The following ESF1 variants were observed in gnomAD, a reference collection of about 807,000 sequenced individuals.
The protein encoded by ESF1 is ESF1 nucleolar pre-rRNA processing protein, also known as ESF1 homolog.
ESF1 carries 58 observed loss-of-function variants against 92.0 expected under a neutral mutation model. The ratio of observed to expected loss-of-function variants is 0.63; its 90% confidence interval spans 0.51 to 0.78. The LOEUF (loss-of-function observed/expected upper bound fraction) is 0.78, where lower values mean the gene tolerates loss of function less well. Among genes scored for constraint, ESF1 ranks in the 30% least tolerant of loss-of-function variants. The pLI is 0.00. For synonymous variants in ESF1, 321 were observed against 313.7 expected (o/e 1.02, Z -0.24); for missense variants, 922 against 989.1 (o/e 0.93, Z 0.91).
At chr20:13,718,312 C>G (rs1164666609) in intron 12 of ESF1, among the ~76,000 whole-genome samples, 2 of 152,162 alleles carry the variant, frequency 1.3e-5, no homozygotes, top group Non-Finnish European at 2.9e-5. Context: ...CACTTCTGGA[C>G]AGTGACATGA....
chr20:13,737,799 G>A (rs765252997), intron 9 of ESF1, among the ~76,000 whole-genome samples: 14 of 151,804 alleles, frequency 9.2e-5, no homozygotes, highest in Admixed American at 5.3e-4. Context: ...GATTACAGGC[G>A]CACGCCACCA....
chr20:13,767,580 C>A (rs1284044334), intron 7 of ESF1, among the ~76,000 whole-genome samples: 1 of 151,134 alleles, frequency 6.6e-6, no homozygotes, highest in Non-Finnish European at 1.5e-5. Flanking sequence ...CATGTTTTTT[C>A]ACCTGGAGTT....
At chr20:13,767,200 G>A (rs1382194786) in intron 7 of ESF1, among the ~76,000 whole-genome samples, 1 of 152,054 alleles carries the variant, frequency 6.6e-6, no homozygotes, top group Non-Finnish European at 1.5e-5. Context: ...TAATTACGGT[G>A]CAAAAAAACT....
chr20:13,729,649 A>T (rs947891703), intron 10 of ESF1, among the ~76,000 whole-genome samples: 1 of 148,740 alleles, frequency 6.7e-6, no homozygotes, highest in Non-Finnish European at 1.5e-5. Context: ...TTGGTTAAAG[A>T]AAAGAATTTT....
chr20:13,748,885 C>T (rs1051395997), intron 9 of ESF1, among the ~76,000 whole-genome samples: 7 of 151,864 alleles, frequency 4.6e-5, no homozygotes, highest in African/African-American at 1.2e-4. Flanking sequence ...CCATGCCCAG[C>T]CCCTCAAAGG....
intron 6 of ESF1, among the ~76,000 whole-genome samples, 164 bp from the exon 7 acceptor site, chr20:13,770,185 C>A: frequency 6.6e-6 from 1 of 152,188 alleles, no homozygotes. Flanking sequence ...TGAATGAATT[C>A]ATCTTTGTAT....
At chr20:13,738,504 T>C (rs1325946881) in intron 9 of ESF1, among the ~76,000 whole-genome samples, 1 of 151,976 alleles carries the variant, frequency 6.6e-6, no homozygotes, top group African/African-American at 2.4e-5. Context: ...TATAGAGACG[T>C]AAGTCTCACT....
At chr20:13,752,766 G>A (rs1473787927) in intron 9 of ESF1, among the ~76,000 whole-genome samples, 2 of 152,222 alleles carry the variant, frequency 1.3e-5, no homozygotes, top group Non-Finnish European at 2.9e-5. Context: ...TAAAATAAAT[G>A]TGGCAGGGGA....
intron 8 of ESF1, among the ~76,000 whole-genome samples, chr20:13,765,979 T>TA (rs1600289083): frequency 6.6e-6 from 1 of 152,090 alleles, no homozygotes; most frequent in Middle Eastern, 3.4e-3. Context: ...CCTCCATAAG[T>TA]AAAAAATATA....
chr20:13,717,763 C>T (rs1012847169), intron 12 of ESF1, among the ~76,000 whole-genome samples: 2 of 152,090 alleles, frequency 1.3e-5, no homozygotes, highest in Non-Finnish European at 2.9e-5. Context: ...AGTTAAAAAC[C>T]AGGCCCCATT....
At chr20:13,736,380 A>G (rs993967008) in intron 9 of ESF1, among the ~76,000 whole-genome samples, 1 of 152,162 alleles carries the variant, frequency 6.6e-6, no homozygotes, top group East Asian at 1.9e-4. Flanking sequence ...TCTAAAAAAA[A>G]GGGCTATGTC....
intron 11 of ESF1, among the ~76,000 whole-genome samples, chr20:13,722,094 ATAAT>A (rs1568708489): frequency 6.6e-6 from 1 of 152,200 alleles, no homozygotes; most frequent in Non-Finnish European, 1.5e-5. Context: ...TAGACTGTAT[ATAAT>A]TAATATTTAA....
At chr20:13,724,749 T>C (rs2049890161) in intron 11 of ESF1, among the ~76,000 whole-genome samples, 1 of 152,216 alleles carries the variant, frequency 6.6e-6, no homozygotes. Flanking sequence ...TTCTCATATA[T>C]TTAAATATTT....
In ESF1 at chr20:13,759,731, T is replaced by C. The variant is rs1394977289; in HGVS notation, c.1789A>G (p.Lys597Glu). The C allele has an allele frequency of 6.4e-7, 1 of 1,572,480 alleles. No individual in the cohort carries two copies. Among genetic ancestry groups the C allele is most frequent in the African/African-American group, 1.4e-5 (1 of 71,488 alleles). The change falls in exon 9 of 14, where the codon AAA (lysine) becomes GAA (glutamate). Residue 597 changes from lysine (K) to glutamate (E), a missense_variant. Physicochemically the swap from Lys to Glu is moderately conservative, Grantham distance 56. Transcript: ENST00000617257. ...ATTTCCATTTCCATATCATTTTCTT[T>C]GCCTTTCTTTTCTTTTTCTTGAATA... Reference protein sequence around the residue: ...QVIQEKEKKGKENDMEMEIKW... With the variant: ...QVIQEKEKKGEENDMEMEIKW...
intron 7 of ESF1, among the ~76,000 whole-genome samples, chr20:13,769,178 G>C (rs1194036810): frequency 1.3e-5 from 2 of 152,070 alleles, no homozygotes; most frequent in Non-Finnish European, 2.9e-5. Flanking sequence ...TGATGTATTA[G>C]AGTGTATAGG....
chr20:13,717,552 G>A, intron 12 of ESF1, 38 bp from the exon 13 acceptor site: 1 of 1,605,702 alleles, frequency 6.2e-7, no homozygotes, highest in Admixed American at 1.7e-5. Context: ...GTACAACAGT[G>A]CTTTTTTTTC....
Position 13,772,514 on chromosome 20 carries a change from C to T in ESF1, c.1250+1G>A, listed in dbSNP as rs1979734263. ...TTTTATGTTCTATAGTGATTTAATA[C>T]CAGTCTTTTTCTGGGGCATCTTCAG... On this transcript the variant is annotated splice_donor_variant, in intron 5 of 13. Transcript: ENST00000617257. LOFTEE classifies it high-confidence loss of function. 6.3e-7 allele frequency: 1 copy of T among 1,595,678 alleles called. No homozygotes were observed. Among genetic ancestry groups the T allele is most frequent in the African/African-American group, 1.3e-5 (1 of 74,612 alleles).
chr20:13,716,879 G>A (rs2049831981), intron 13 of ESF1, among the ~76,000 whole-genome samples: 1 of 139,854 alleles, frequency 7.2e-6, no homozygotes, highest in South Asian at 2.3e-4. Context: ...GTGCAGTGGC[G>A]AGATCTCGGC....
intron 8 of ESF1, among the ~76,000 whole-genome samples, chr20:13,760,684 G>A (rs1317743769): frequency 1.3e-5 from 2 of 151,188 alleles, no homozygotes; most frequent in African/African-American, 4.9e-5. Flanking sequence ...CCCCTGCCAG[G>A]CCAGCCGCCC....
Sources: allele counts gnomAD v4.1 joint callset (sites outside exome capture counted in the v4.1 genomes callset), GRCh38; gene constraint gnomAD v4.1.1; transcripts MANE v1.5; gene names NCBI Gene and HGNC (gene_info 2026-07-23, HGNC 2026-07-21).